The following GALNT18 variants were observed in gnomAD, a reference collection of about 807,000 sequenced individuals.
The protein encoded by GALNT18 is GalNAc-transferase 18.
Under a neutral mutation model 69.5 loss-of-function variants are expected in GALNT18, and 44 were observed. The ratio of observed to expected loss-of-function variants is 0.63; its 90% CI spans 0.50 to 0.81. GALNT18 has a LOEUF of 0.81. GALNT18 is among the 40% of genes least tolerant of loss of function. GALNT18 has a pLI of 0.00. For missense variants in GALNT18, 715 were observed against 810.0 expected, an observed-to-expected ratio of 0.88 and a Z score of 1.42; for synonymous variants, 364 against 318.2, an observed-to-expected ratio of 1.14 and a Z score of -1.53.
chr11:11,585,982 C>T (rs1254962336), intron 1 of GALNT18, among the ~76,000 whole-genome samples: 3 of 151,976 alleles, frequency 2.0e-5, no homozygotes, highest in Non-Finnish European at 4.4e-5. Context: ...TGTATCCTTA[C>T]GAAAGAGAGC....
intron 2 of GALNT18, among the ~76,000 whole-genome samples, chr11:11,440,687 C>T (rs78188937): frequency 0.022 from 3,345 of 152,344 alleles, 126 homozygotes; most frequent in African/African-American, 0.077. Flanking sequence ...GTCCCATGTG[C>T]TCCTTGTCCA....
At chr11:11,388,218 G>C (rs1589960639) in intron 3 of GALNT18, among the ~76,000 whole-genome samples, 1 of 152,134 alleles carries the variant, frequency 6.6e-6, no homozygotes, top group Admixed American at 6.6e-5. Flanking sequence ...TGTCACAGTA[G>C]GGCATTCGTG....
intron 1 of GALNT18, among the ~76,000 whole-genome samples, chr11:11,576,826 G>T (rs558994734): frequency 2.6e-5 from 4 of 152,140 alleles, no homozygotes; most frequent in Non-Finnish European, 5.9e-5. Flanking sequence ...TTTTGCCCTC[G>T]CACAGAACAA....
At chr11:11,594,921 GTGTA>G (rs1475492257) in intron 1 of GALNT18, among the ~76,000 whole-genome samples, 7 of 147,094 alleles carry the variant, frequency 4.8e-5, no homozygotes, top group Admixed American at 1.4e-4. Context: ...ATATGCGTGT[GTGTA>G]TATATATATA....
At chr11:11,526,499 A>G in intron 1 of GALNT18, among the ~76,000 whole-genome samples, 1 of 152,212 alleles carries the variant, frequency 6.6e-6, no homozygotes, top group East Asian at 1.9e-4. Flanking sequence ...TAATAAATAC[A>G]TCATTCTTTC....
At chr11:11,577,285 A>G (rs1438534146) in intron 1 of GALNT18, among the ~76,000 whole-genome samples, 1 of 152,090 alleles carries the variant, frequency 6.6e-6, no homozygotes, top group Non-Finnish European at 1.5e-5. Context: ...TCAGCAGATG[A>G]GCGGAGACGA....
In GALNT18 at chr11:11,596,092, C is replaced by T. The variant is rs1288280102; in HGVS notation, c.235+25267G>A. 6.6e-6 allele frequency among the ~76,000 whole-genome samples: 1 copy of T among 152,144 alleles called. No homozygotes were observed. The highest frequency in any genetic ancestry group is 1.5e-5 in the Non-Finnish European group (1 of 68,020). On this transcript the variant is annotated intron_variant, in intron 1 of 10. Transcript: ENST00000227756. This position sits in a 1 kb window ranked among gnomAD's most constrained non-coding sequence, Gnocchi z 4.2. The stretch of plus-strand genomic sequence containing the variant: ...GAGTGAGATGGGGGACAACTTTATT[C>T]TTAACATGTAGATATCCAGTTGTTC...
At chr11:11,499,096 G>A (rs1267586165) in intron 1 of GALNT18, among the ~76,000 whole-genome samples, 2 of 152,048 alleles carry the variant, frequency 1.3e-5, no homozygotes, top group African/African-American at 4.8e-5. Flanking sequence ...ATGTTACCTC[G>A]AGTCCTCGTG....
intron 3 of GALNT18, among the ~76,000 whole-genome samples, chr11:11,419,979 GT>G (rs909563726): frequency 6.6e-5 from 10 of 152,220 alleles, no homozygotes; most frequent in African/African-American, 2.4e-4. Context: ...TACTCAATTT[GT>G]TAAATGAATG....
At chr11:11,281,094 G>A (rs1160534976) in intron 10 of GALNT18, among the ~76,000 whole-genome samples, 2 of 152,194 alleles carry the variant, frequency 1.3e-5, no homozygotes, top group Non-Finnish European at 2.9e-5. Flanking sequence ...CCAGCCCAGT[G>A]GTTTGTCTTC....
At chr11:11,514,164 A>G (rs776083674) in intron 1 of GALNT18, among the ~76,000 whole-genome samples, 2 of 152,250 alleles carry the variant, frequency 1.3e-5, no homozygotes, top group African/African-American at 4.8e-5. Flanking sequence ...GAGGAAACTG[A>G]GGCTCAGAAA....
rs1032991324 is a variant in GALNT18 at position 11,562,749 on chromosome 11, A to G, written c.235+58610T>C. 6.6e-4 allele frequency among the ~76,000 whole-genome samples: 101 copies of G among 152,236 alleles called. No individual in the cohort carries two copies. Among genetic ancestry groups the G allele is most frequent in the African/African-American group, 2.3e-3 (97 of 41,468 alleles). Reference sequence around the variant, plus strand: ...AACCACGCATTAAGTTCCTCCAAACACAAAGTGCTCTGCCTTCAATCCCCA... The same window carrying G: ...AACCACGCATTAAGTTCCTCCAAACGCAAAGTGCTCTGCCTTCAATCCCCA... On this transcript the variant is annotated intron_variant, in intron 1 of 10. Transcript: ENST00000227756. This position sits in a 1 kb window ranked among gnomAD's most constrained non-coding sequence, Gnocchi z 4.1.
chr11:11,336,021 A>T (rs1381707510), intron 7 of GALNT18, among the ~76,000 whole-genome samples: 1 of 152,214 alleles, frequency 6.6e-6, no homozygotes, highest in Non-Finnish European at 1.5e-5. Context: ...ACTTAGCCAC[A>T]TAAAAAGTGC....
chr11:11,533,209 C>T (rs1267668122), intron 1 of GALNT18, among the ~76,000 whole-genome samples: 1 of 152,208 alleles, frequency 6.6e-6, no homozygotes, highest in Non-Finnish European at 1.5e-5. Flanking sequence ...TGTTGAACTG[C>T]TACCAGGAAT....
chr11:11,430,235 TTTAAC>T lies in GALNT18; in HGVS notation c.595+2381_595+2385del, dbSNP rs1303394537. Among the ~76,000 whole-genome samples, 5 of 152,298 alleles carry T rather than the reference TTTAAC, an allele frequency of 3.3e-5. No individual in the cohort carries two copies. Among genetic ancestry groups the T allele is most frequent in the Admixed American group, 2.6e-4 (4 of 15,304 alleles). The stretch of plus-strand genomic sequence containing the variant: ...TCTCCTAGGAGAGCTTTTTGTTTGT[TTTAAC>T]TTAATATTTTGAAGTAATTATAGAT... On this transcript the variant is annotated intron_variant, in intron 3 of 10. Coordinates refer to ENST00000227756, the MANE Select transcript of GALNT18 (RefSeq NM_198516.3). The surrounding 1 kb of genome is among the most constrained non-coding windows in gnomAD (Gnocchi z 4.9).
chr11:11,367,630 C>T (rs1186060465), intron 6 of GALNT18, among the ~76,000 whole-genome samples: 1 of 152,168 alleles, frequency 6.6e-6, no homozygotes, highest in Admixed American at 6.5e-5. Flanking sequence ...CATTCTTCCT[C>T]ACCACCCCCT....
chr11:11,544,104 G>T (rs1252947218), intron 1 of GALNT18, among the ~76,000 whole-genome samples: 1 of 152,234 alleles, frequency 6.6e-6, no homozygotes, highest in African/African-American at 2.4e-5. Context: ...GATGGGTCTA[G>T]CCAGGACCCC....
rs549497881 is a variant in GALNT18 at position 11,586,618 on chromosome 11, A to G, written c.235+34741T>C. ...GGACATAGTTGATCTTTTAAAAAAAATAAAACGTTTCAGCATTTATATTTA... is the reference window on the plus strand; with the variant it reads ...GGACATAGTTGATCTTTTAAAAAAAGTAAAACGTTTCAGCATTTATATTTA... On this transcript the variant is annotated intron_variant, in intron 1 of 10. Coordinates refer to ENST00000227756, the MANE Select transcript of GALNT18 (RefSeq NM_198516.3). This position sits in a 1 kb window ranked among gnomAD's most constrained non-coding sequence, Gnocchi z 4.1. Among the ~76,000 whole-genome samples the G allele has an allele frequency of 2.0e-5, 3 of 152,290 alleles. No homozygotes were observed. The South Asian group carries it at 6.2e-4, about 32-fold the overall frequency.
intron 2 of GALNT18, among the ~76,000 whole-genome samples, chr11:11,434,255 G>A (rs987314457): frequency 6.6e-6 from 1 of 152,156 alleles, no homozygotes; most frequent in Non-Finnish European, 1.5e-5. Flanking sequence ...GGGAAAGAAG[G>A]AGTTGACCCT....
Sources: gnomAD v4.1 joint callset for allele counts (sites outside exome capture counted in the v4.1 genomes callset) on GRCh38, gnomAD v4.1.1 for gene constraint, Gnocchi (gnomAD v3.1) non-coding constraint, MANE v1.5 for transcripts, NCBI Gene and HGNC (gene_info 2026-07-23, HGNC 2026-07-21) for gene names.